Variants in PYGL observed in about 807,000 individuals in gnomAD.
PYGL encodes the protein glycogen phosphorylase L, also known as glycogen phosphorylase, liver form.
In PYGL, 90 loss-of-function variants were observed where a neutral mutation model predicts 100.1. The ratio of observed to expected loss-of-function variants is 0.90; its 90% CI spans 0.76 to 1.07. The LOEUF (loss-of-function observed/expected upper bound fraction) is 1.07, where lower values mean the gene tolerates loss of function less well. Among genes scored for constraint, PYGL ranks in the 50% least tolerant of loss-of-function variants. PYGL has a pLI of 0.00. For missense variants in PYGL, 1,016 were observed against 1,057.6 expected (o/e 0.96, Z 0.55); for synonymous variants, 373 against 393.0 (o/e 0.95, Z 0.60).
At position 50,912,219 on chromosome 14, in the gene PYGL, T is replaced by C; in HGVS notation, c.1705A>G (p.Lys569Glu). 1 of 1,614,180 alleles carries C rather than the reference T, an allele frequency of 6.2e-7. No homozygotes were observed. The highest frequency in any genetic ancestry group is 8.5e-7 in the Non-Finnish European group (1 of 1,180,020). ...TGTCGCTTGTACTCATGTATCCTCT[T>C]CACCTGGACATCAAACATGGAGGAT... Reference protein sequence around the residue: ...NPSSMFDVQVKRIHEYKRQLL... With the variant: ...NPSSMFDVQVERIHEYKRQLL... Residue 569 changes from lysine to glutamate, a missense_variant, in exon 14 of 20, where the codon AAG (lysine) becomes GAG (glutamate). Lys to Glu is a moderately conservative substitution (Grantham distance 56). Transcript: ENST00000216392.
intron 4 of PYGL, among the ~76,000 whole-genome samples, chr14:50,924,653 T>G (rs2050531069): frequency 6.6e-6 from 1 of 152,268 alleles, no homozygotes; most frequent in South Asian, 2.1e-4. Flanking sequence ...TATTGCATTA[T>G]GTAGTCTTTG....
intron 3 of PYGL, among the ~76,000 whole-genome samples, chr14:50,932,408 A>G (rs2050610141): frequency 6.6e-6 from 1 of 152,190 alleles, no homozygotes; most frequent in Non-Finnish European, 1.5e-5. Context: ...GTGGGCATAC[A>G]ATGACATTCA....
chr14:50,937,885 C>T (rs2139197860), intron 1 of PYGL, 48 bp from the exon 2 acceptor site: 1 of 1,504,406 alleles, frequency 6.6e-7, no homozygotes, highest in South Asian at 1.1e-5. Context: ...AGATCAACCT[C>T]ACTTAACATA....
At chr14:50,922,732 G>A (rs953438205) in intron 5 of PYGL, among the ~76,000 whole-genome samples, 2 of 152,214 alleles carry the variant, frequency 1.3e-5, no homozygotes, top group East Asian at 1.9e-4. Context: ...CTTGCTCAGA[G>A]TGGCACTGTG....
chr14:50,916,871 T>C (rs1435444657), intron 8 of PYGL, 91 bp downstream of exon 8: 1 of 1,560,548 alleles, frequency 6.4e-7, no homozygotes, highest in Non-Finnish European at 8.8e-7. Context: ...TGCTCAACGT[T>C]GTTAGCACTG....
intron 18 of PYGL, 93 bp from the exon 19 acceptor site, chr14:50,908,430 A>C (rs2050355375): frequency 1.7e-6 from 2 of 1,162,220 alleles, no homozygotes; most frequent in East Asian, 4.8e-5. Flanking sequence ...CTTTTGCTTA[A>C]TATCAGGCAT....
intron 5 of PYGL, 21 bp downstream of exon 5, chr14:50,923,948 C>T (rs747031691): frequency 6.2e-7 from 1 of 1,610,848 alleles, no homozygotes; most frequent in South Asian, 1.1e-5. Context: ...AAAACGCTGG[C>T]TATACGAGCA....
chr14:50,914,104 T>C (rs566498662), intron 12 of PYGL, among the ~76,000 whole-genome samples: 1 of 152,346 alleles, frequency 6.6e-6, no homozygotes, highest in South Asian at 2.1e-4. Context: ...TTATCCTCTT[T>C]TACTAGAGAA....
At chr14:50,939,031 A>AATTT (rs1047427210) in intron 1 of PYGL, among the ~76,000 whole-genome samples, 1 of 151,960 alleles carries the variant, frequency 6.6e-6, no homozygotes, top group East Asian at 1.9e-4. Context: ...TTAATTAATT[A>AATTT]ATTTATTTAT....
rs200822693 is a variant in PYGL, at chr14:50,908,792, A to G, written c.2312+29T>C. 13 of 1,538,818 alleles carry G rather than the reference A, an allele frequency of 8.4e-6. No homozygotes were observed. In the African/African-American group the frequency reaches 1.5e-4, roughly 18 times the overall value. On this transcript the variant is annotated intron_variant, in intron 18 of 19. Transcript: ENST00000216392. ...TTTCTTGTCCCCCTTTCATGATCCA[A>G]ATAGCACCATCTTCTTATGGGAACT...
chr14:50,937,281 A>G (rs191908492), intron 2 of PYGL, among the ~76,000 whole-genome samples: 30 of 152,356 alleles, frequency 2.0e-4, no homozygotes, highest in African/African-American at 6.7e-4. Context: ...ACATCTCATT[A>G]AGCAACAGAG....
At chr14:50,929,672 C>T (rs1386110886) in intron 4 of PYGL, among the ~76,000 whole-genome samples, 1 of 152,148 alleles carries the variant, frequency 6.6e-6, no homozygotes, top group Admixed American at 6.5e-5. Flanking sequence ...CGCATGGTAT[C>T]CTTTTCCAAG....
chr14:50,941,797 G>A (rs1056883527), intron 1 of PYGL, among the ~76,000 whole-genome samples: 4 of 152,158 alleles, frequency 2.6e-5, no homozygotes, highest in Admixed American at 6.5e-5. Context: ...AGAATCACTT[G>A]AACCCGAGAG....
chr14:50,907,239 C>T (rs1020296536), intron 19 of PYGL, among the ~76,000 whole-genome samples: 1 of 151,902 alleles, frequency 6.6e-6, no homozygotes. Context: ...ATTCTTCTTT[C>T]TTTTTTTAAA....
chr14:50,916,076 A>G, intron 9 of PYGL, 105 bp from the exon 10 acceptor site: 2 of 1,468,234 alleles, frequency 1.4e-6, no homozygotes, highest in Non-Finnish European at 1.9e-6. Context: ...GACCATTCCA[A>G]GTGTGCATAG....
intron 9 of PYGL, among the ~76,000 whole-genome samples, chr14:50,916,363 A>G (rs1409480732): frequency 1.3e-5 from 2 of 152,192 alleles, no homozygotes; most frequent in Admixed American, 1.3e-4. Context: ...AGATAATTTA[A>G]TTTTTAATCT....
intron 1 of PYGL, among the ~76,000 whole-genome samples, chr14:50,938,758 A>G (rs1045269909): frequency 6.6e-6 from 1 of 152,222 alleles, no homozygotes. Context: ...TCATCTAAGT[A>G]GATTCAATGT....
intron 12 of PYGL, 93 bp downstream of exon 12, chr14:50,914,608 C>T: frequency 9.5e-7 from 1 of 1,057,032 alleles, no homozygotes; most frequent in South Asian, 1.3e-5. Flanking sequence ...GGAAGCCAGC[C>T]CTGCTGCAGA....
intron 13 of PYGL, 168 bp from the exon 14 acceptor site, chr14:50,912,471 A>C (rs1019957202): frequency 1.1e-5 from 9 of 810,056 alleles, no homozygotes; most frequent in Non-Finnish European, 1.8e-5. Context: ...CGATTATCCT[A>C]TCAGGGATTA....
Sources: gnomAD v4.1 joint callset for allele counts (sites outside exome capture counted in the v4.1 genomes callset) on GRCh38, gnomAD v4.1.1 for gene constraint, MANE v1.5 for transcripts, NCBI Gene and HGNC (gene_info 2026-07-23, HGNC 2026-07-21) for gene names.